ADGRL3: variants seen among roughly 807,000 people sequenced by gnomAD.
ADGRL3 encodes adhesion G protein-coupled receptor L3, also known as calcium-independent alpha-latrotoxin receptor 3.
ADGRL3 carries 62 observed loss-of-function variants against 153.5 expected under a neutral mutation model. The observed-to-expected ratio is 0.40, with a 90% CI of 0.33 to 0.50. The LOEUF (loss-of-function observed/expected upper bound fraction) is 0.50. Among genes scored for constraint, ADGRL3 ranks in the 20% least tolerant of loss-of-function variants. The probability of loss-of-function intolerance (pLI) is 0.47; values close to 1 mark genes in which losing one functional copy is unlikely to be tolerated. For missense variants in ADGRL3, 1,641 were observed against 1,859.4 expected (o/e 0.88, Z 2.16); for synonymous variants, 710 against 672.5 (o/e 1.06, Z -0.86).
intron 2 of ADGRL3, among the ~76,000 whole-genome samples, chr4:61,486,366 AAC>A (rs1248079763): frequency 2.0e-5 from 3 of 152,336 alleles, no homozygotes; most frequent in African/African-American, 7.2e-5. Flanking sequence ...TTCCATTTAT[AAC>A]ACACATTGTC....
intron 5 of ADGRL3, among the ~76,000 whole-genome samples, chr4:61,622,589 T>C (rs914832367): frequency 6.6e-6 from 1 of 152,014 alleles, no homozygotes; most frequent in Non-Finnish European, 1.5e-5. Flanking sequence ...ATGAAGATGA[T>C]GATGAAAAAA....
At chr4:61,358,321 G>A (rs1375953219) in intron 1 of ADGRL3, among the ~76,000 whole-genome samples, 1 of 151,964 alleles carries the variant, frequency 6.6e-6, no homozygotes, top group Admixed American at 6.6e-5. Flanking sequence ...CATTGGGCCG[G>A]GAGCGGTGGC....
At chr4:62,003,649 T>C (rs2099148106) in intron 21 of ADGRL3, among the ~76,000 whole-genome samples, 1 of 152,186 alleles carries the variant, frequency 6.6e-6, no homozygotes, top group African/African-American at 2.4e-5. Flanking sequence ...TGTATGGAAA[T>C]GCCCTGCTGC....
At chr4:61,646,032 C>A (rs927825008) in intron 5 of ADGRL3, among the ~76,000 whole-genome samples, 2 of 152,122 alleles carry the variant, frequency 1.3e-5, no homozygotes, top group African/African-American at 4.8e-5. Flanking sequence ...TCATTTCATT[C>A]ATTTCATCTT....
chr4:61,638,267 T>G (rs937032414), intron 5 of ADGRL3, among the ~76,000 whole-genome samples: 1 of 152,140 alleles, frequency 6.6e-6, no homozygotes, highest in Non-Finnish European at 1.5e-5. Context: ...AACATAATGT[T>G]GAATGAAAGA....
intron 9 of ADGRL3, among the ~76,000 whole-genome samples, chr4:61,853,465 A>C (rs1486385738): frequency 1.3e-5 from 2 of 152,110 alleles, no homozygotes; most frequent in African/African-American, 4.8e-5. Context: ...TCAGTTGCTA[A>C]TTGTTTTATG....
At chr4:61,595,447 A>T (rs1056121229) in intron 5 of ADGRL3, among the ~76,000 whole-genome samples, 1 of 151,974 alleles carries the variant, frequency 6.6e-6, no homozygotes, top group African/African-American at 2.4e-5. Flanking sequence ...TGTGTTGAGA[A>T]ATGTCATCTA....
Position 62,073,081 on chromosome 4 carries a change from A to G in ADGRL3, c.*2173A>G, listed in dbSNP as rs1327044823. The G allele has an allele frequency of 6.6e-6, 1 of 152,132 alleles. No homozygotes were observed. Among genetic ancestry groups the G allele is most frequent in the Non-Finnish European group, 1.5e-5 (1 of 68,000 alleles). 9.4% of individuals were successfully genotyped at this position (152,132 alleles called of 1,614,324 possible). Reference sequence around the variant, plus strand: ...AAAGCTAAAAGGAACCTGCCAAATTATAATTTCTCCTGTAGTGTGTTTTAT... The same window carrying G: ...AAAGCTAAAAGGAACCTGCCAAATTGTAATTTCTCCTGTAGTGTGTTTTAT... On this transcript the variant is annotated 3_prime_UTR_variant, in exon 27 of 27. Coordinates refer to ENST00000683033, the MANE Select transcript of ADGRL3 (RefSeq NM_001387552.1).
At chr4:61,955,417 A>G (rs2098962358) in intron 17 of ADGRL3, among the ~76,000 whole-genome samples, 1 of 152,336 alleles carries the variant, frequency 6.6e-6, no homozygotes, top group South Asian at 2.1e-4. Flanking sequence ...ACTTTCATTC[A>G]TTGTAGCTAT....
chr4:61,572,205 T>C (rs1472173505), intron 4 of ADGRL3, among the ~76,000 whole-genome samples: 1 of 152,186 alleles, frequency 6.6e-6, no homozygotes, highest in Non-Finnish European at 1.5e-5. Flanking sequence ...TACAAAACAC[T>C]ATAATCATGC....
At chr4:61,936,734 CTAAAG>C (rs2098840221) in intron 15 of ADGRL3, among the ~76,000 whole-genome samples, 1 of 150,204 alleles carries the variant, frequency 6.7e-6, no homozygotes, top group East Asian at 2.0e-4. Flanking sequence ...TACATCTCCT[CTAAAG>C]TAGACCCCTC....
chr4:62,055,936 A>T (rs1276457844), intron 25 of ADGRL3, among the ~76,000 whole-genome samples: 1 of 151,600 alleles, frequency 6.6e-6, no homozygotes, highest in East Asian at 1.9e-4. Context: ...ATATAATTTA[A>T]TACAAGAATA....
At chr4:61,843,411 A>G (rs1031954269) in intron 9 of ADGRL3, among the ~76,000 whole-genome samples, 15 of 152,074 alleles carry the variant, frequency 9.9e-5, no homozygotes, top group Non-Finnish European at 1.8e-4. Context: ...ATAACATTAT[A>G]AATAATGCTG....
intron 8 of ADGRL3, chr4:61,775,901 T>A: frequency 4.0e-6 from 1 of 252,638 alleles, no homozygotes; most frequent in East Asian, 7.9e-5. Context: ...ATTTATTTAT[T>A]TATTTATTTA....
chr4:61,377,708 C>G (rs1308542990), intron 1 of ADGRL3, among the ~76,000 whole-genome samples: 1 of 151,408 alleles, frequency 6.6e-6, no homozygotes, highest in Non-Finnish European at 1.5e-5. Context: ...TCTATTCTTT[C>G]CTTCATTCCC....
In ADGRL3 at chr4:61,945,891, G is replaced by A. The variant is rs1028236027; in HGVS notation, c.2420-1023G>A. Among the ~76,000 whole-genome samples the A allele has an allele frequency of 1.3e-3, 195 of 152,188 alleles. 1 individual carries two copies. Among genetic ancestry groups the A allele is most frequent in the African/African-American group, 4.5e-3 (185 of 41,542 alleles). Reference sequence around the variant, plus strand: ...TCAGATGGAAATGCAGAAATCACCCGTCTTCTGCGTCGCTCACGCTGGGAG... The same window carrying A: ...TCAGATGGAAATGCAGAAATCACCCATCTTCTGCGTCGCTCACGCTGGGAG... On this transcript the variant is annotated intron_variant, in intron 15 of 26. Transcript: ENST00000683033.
chr4:61,342,632 C>A (rs547317815), intron 1 of ADGRL3, among the ~76,000 whole-genome samples: 23 of 152,288 alleles, frequency 1.5e-4, no homozygotes, highest in Admixed American at 1.3e-3. Context: ...GGCTCTCCAA[C>A]CTTCTTTCCC....
At chr4:62,021,333 G>T (rs1419738889) in intron 21 of ADGRL3, among the ~76,000 whole-genome samples, 1 of 152,130 alleles carries the variant, frequency 6.6e-6, no homozygotes, top group Non-Finnish European at 1.5e-5. Flanking sequence ...GCTATGAGGT[G>T]CAATTAGCGA....
intron 5 of ADGRL3, among the ~76,000 whole-genome samples, chr4:61,665,616 C>G (rs2094766354): frequency 6.6e-6 from 1 of 152,126 alleles, no homozygotes; most frequent in South Asian, 2.1e-4. Context: ...CAACTTAGAA[C>G]CAACCCACCT....
Sources: allele counts gnomAD v4.1 joint callset (sites outside exome capture counted in the v4.1 genomes callset), GRCh38; gene constraint gnomAD v4.1.1; transcripts MANE v1.5; gene names NCBI Gene and HGNC (gene_info 2026-07-23, HGNC 2026-07-21).